The following DCC variants were observed in gnomAD, a reference collection of about 807,000 sequenced individuals.
The protein encoded by DCC is DCC netrin 1 receptor, also known as netrin receptor DCC.
Under a neutral mutation model 172.5 loss-of-function variants are expected in DCC, and 58 were observed. The ratio of observed to expected loss-of-function variants is 0.34; its 90% confidence interval spans 0.27 to 0.42. The LOEUF is 0.42. Ranked by LOEUF, DCC falls within the 10% of genes least tolerant of loss-of-function variation. The probability of loss-of-function intolerance (pLI) is 1.00; values close to 1 mark genes in which losing one functional copy is unlikely to be tolerated. For synonymous variants in DCC, 709 were observed against 644.5 expected, an observed-to-expected ratio of 1.10 and a Z score of -1.52; for missense variants, 1,740 against 1,791.0, an observed-to-expected ratio of 0.97 and a Z score of 0.51.
At position 52,357,634 on chromosome 18, in the gene DCC, G is replaced by A. The variant is rs576855853; in HGVS notation, c.91+16756G>A. 2.2e-4 allele frequency among the ~76,000 whole-genome samples: 33 copies of A among 152,254 alleles called. No homozygotes were observed. In the South Asian group the frequency reaches 6.6e-3, roughly 31 times the overall value. On this transcript the variant is annotated intron_variant, in intron 1 of 28. Coordinates refer to ENST00000442544, the MANE Select transcript of DCC (RefSeq NM_005215.4). ...ACCCATATCCTTTTGAGTGTGGGCT[G>A]TGCTTAGCGACTTCCTTCCGAAGAC...
At chr18:52,805,813 G>C (rs1249324891) in intron 2 of DCC, among the ~76,000 whole-genome samples, 1 of 152,190 alleles carries the variant, frequency 6.6e-6, no homozygotes, top group Admixed American at 6.5e-5. Context: ...GCAACTTGAG[G>C]ATCTAAGACA....
intron 1 of DCC, among the ~76,000 whole-genome samples, chr18:52,730,043 C>T (rs7237463): frequency 0.99 from 150,897 of 152,332 alleles, 74,758 homozygotes; most frequent in Middle Eastern, 1. Context: ...TCAAAGAATA[C>T]TTAATAGCAA....
At chr18:52,521,960 C>G (rs927229073) in intron 1 of DCC, among the ~76,000 whole-genome samples, 2 of 152,008 alleles carry the variant, frequency 1.3e-5, no homozygotes, top group African/African-American at 4.8e-5. Context: ...ATCTATCAAG[C>G]CTAAAAAAAT....
intron 21 of DCC, among the ~76,000 whole-genome samples, chr18:53,430,294 GT>G (rs778692404): frequency 2.0e-5 from 3 of 152,112 alleles, no homozygotes; most frequent in Non-Finnish European, 4.4e-5. Context: ...TGGACAATAC[GT>G]TTTTCTCTAG....
chr18:53,177,346 A>C (rs1248365703), intron 8 of DCC, among the ~76,000 whole-genome samples: 2 of 152,016 alleles, frequency 1.3e-5, no homozygotes, highest in East Asian at 1.9e-4. Flanking sequence ...AAAAGAAAAA[A>C]ATTATTTACT....
intron 2 of DCC, among the ~76,000 whole-genome samples, chr18:52,904,464 A>G (rs2039852352): frequency 6.6e-6 from 1 of 152,216 alleles, no homozygotes; most frequent in South Asian, 2.1e-4. Flanking sequence ...CTCATATTAA[A>G]TTATGATTTG....
chr18:53,118,130 A>G (rs950860979), intron 7 of DCC, among the ~76,000 whole-genome samples: 1 of 151,824 alleles, frequency 6.6e-6, no homozygotes, highest in African/African-American at 2.4e-5. Context: ...AATGTAGTAG[A>G]ACCATATTAT....
intron 2 of DCC, among the ~76,000 whole-genome samples, chr18:52,901,037 A>C (rs181510941): frequency 6.6e-6 from 1 of 152,340 alleles, no homozygotes; most frequent in African/African-American, 2.4e-5. Context: ...AGGAGTGAAG[A>C]GTATTCACAT....
chr18:53,316,327 A>G (rs1283258836), intron 13 of DCC, among the ~76,000 whole-genome samples: 1 of 152,150 alleles, frequency 6.6e-6, no homozygotes, highest in Non-Finnish European at 1.5e-5. Context: ...CTGTTTTGGT[A>G]CCAGTACCAT....
At chr18:52,846,780 AAGT>A (rs1237357054) in intron 2 of DCC, among the ~76,000 whole-genome samples, 8 of 152,132 alleles carry the variant, frequency 5.3e-5, no homozygotes, top group Admixed American at 5.2e-4. Context: ...CAACTGGAAA[AAGT>A]AGTGGTGGAG....
At chr18:52,992,353 T>G (rs2041407274) in intron 5 of DCC, among the ~76,000 whole-genome samples, 1 of 152,164 alleles carries the variant, frequency 6.6e-6, no homozygotes, top group Non-Finnish European at 1.5e-5. Context: ...CTAGCCTGTT[T>G]AGAATAGGGT....
intron 2 of DCC, among the ~76,000 whole-genome samples, chr18:52,859,669 CA>C (rs1275487853): frequency 1.3e-5 from 2 of 152,184 alleles, no homozygotes; most frequent in Non-Finnish European, 2.9e-5. Flanking sequence ...AGCCTGGCTC[CA>C]TCAATGCAGG....
chr18:52,421,341 C>T (rs765352307), intron 1 of DCC, among the ~76,000 whole-genome samples: 11 of 152,124 alleles, frequency 7.2e-5, no homozygotes, highest in Non-Finnish European at 1.2e-4. Flanking sequence ...TCAGGGATAA[C>T]GATGGCAGGT....
At chr18:53,359,137 C>A (rs1331277109) in intron 15 of DCC, among the ~76,000 whole-genome samples, 1 of 152,092 alleles carries the variant, frequency 6.6e-6, no homozygotes, top group Non-Finnish European at 1.5e-5. Context: ...ACCATGAATG[C>A]AAGTTCATAT....
At chr18:52,618,998 C>A (rs1205052928) in intron 1 of DCC, among the ~76,000 whole-genome samples, 1 of 152,186 alleles carries the variant, frequency 6.6e-6, no homozygotes, top group Non-Finnish European at 1.5e-5. Flanking sequence ...AGTGCAATGG[C>A]ACAATCCCGG....
intron 19 of DCC, among the ~76,000 whole-genome samples, chr18:53,408,943 C>A (rs1909829654): frequency 1.3e-5 from 2 of 152,130 alleles, no homozygotes; most frequent in African/African-American, 4.8e-5. Context: ...CCCCCAAGCC[C>A]AGGCATAATT....
chr18:52,956,457 C>T (rs1196262520), intron 5 of DCC, among the ~76,000 whole-genome samples: 5 of 151,970 alleles, frequency 3.3e-5, no homozygotes, highest in Non-Finnish European at 5.9e-5. Context: ...TTTACCAATA[C>T]CATACTGTCT....
intron 1 of DCC, among the ~76,000 whole-genome samples, chr18:52,670,932 A>G (rs957877722): frequency 6.6e-5 from 10 of 151,812 alleles, no homozygotes; most frequent in Non-Finnish European, 1.0e-4. Context: ...TTCTATTTTG[A>G]CTCTCTATGT....
intron 12 of DCC, among the ~76,000 whole-genome samples, chr18:53,254,244 T>C (rs946910284): frequency 6.6e-6 from 1 of 152,060 alleles, no homozygotes; most frequent in African/African-American, 2.4e-5. Flanking sequence ...TCTGAAATGA[T>C]AACTTTTTCC....
Sources: allele counts gnomAD v4.1 joint callset (sites outside exome capture counted in the v4.1 genomes callset), GRCh38; gene constraint gnomAD v4.1.1; transcripts MANE v1.5; gene names NCBI Gene and HGNC (gene_info 2026-07-23, HGNC 2026-07-21).